TOM1L2: variants seen among roughly 807,000 people sequenced by gnomAD.
TOM1L2 encodes the protein target of myb1 like 2 membrane trafficking protein, also known as TOM1-like protein 2.
Under a neutral mutation model 67.9 loss-of-function variants are expected in TOM1L2, and 31 were observed. The observed-to-expected ratio is 0.46, with a 90% confidence interval of 0.34 to 0.62. The LOEUF is 0.62. Among genes scored for constraint, TOM1L2 ranks in the 20% least tolerant of loss-of-function variants. TOM1L2 has a pLI of 0.01. For missense variants in TOM1L2, 606 were observed against 663.5 expected (o/e 0.91, Z 0.95); for synonymous variants, 256 against 254.0 (o/e 1.01, Z -0.07).
rs574247504 is a variant in TOM1L2 at position 17,862,734 on chromosome 17, T to A, written c.1199A>T (p.Lys400Met). 6.2e-7 allele frequency: 1 copy of A among 1,613,110 alleles called. No homozygotes were observed. The highest frequency in any genetic ancestry group is 1.3e-5 in the African/African-American group (1 of 75,044). The change falls in exon 11 of 15, where the codon AAG (lysine) becomes ATG (methionine). Residue 400 changes from lysine to methionine, a missense_variant. Around this residue, in one of 2 missense-constraint regions of TOM1L2, gnomAD observed 543 missense variants for 554.0 expected, o/e 0.98. Coordinates refer to ENST00000379504, the MANE Select transcript of TOM1L2 (RefSeq NM_001082968.2). ...TRGNSLAEQR[K>M]TVTYEDPQAV... ...CACTAAAAGGGGCCCCACATACGTC[T>A]TGCGCTGCTCAGCCAAGGAGTTTCC...
At chr17:17,909,666 T>C (rs947885989) in intron 1 of TOM1L2, among the ~76,000 whole-genome samples, 1 of 152,174 alleles carries the variant, frequency 6.6e-6, no homozygotes. Flanking sequence ...ATGAAAGAGT[T>C]CTGGAGATGG....
At chr17:17,946,351 T>C (rs888607456) in intron 1 of TOM1L2, among the ~76,000 whole-genome samples, 1 of 152,174 alleles carries the variant, frequency 6.6e-6, no homozygotes, top group Non-Finnish European at 1.5e-5. Context: ...ATCCTGTACC[T>C]GTTAGCAGTC....
intron 7 of TOM1L2, among the ~76,000 whole-genome samples, chr17:17,875,790 C>A (rs769160652): frequency 6.6e-6 from 1 of 152,160 alleles, no homozygotes; most frequent in Admixed American, 6.5e-5. Context: ...TGAAGGAACA[C>A]GGAATAAGGT....
intron 1 of TOM1L2, among the ~76,000 whole-genome samples, chr17:17,960,499 G>A (rs1406589303): frequency 2.0e-5 from 3 of 152,132 alleles, no homozygotes; most frequent in African/African-American, 7.2e-5. Flanking sequence ...ACCATGCCCA[G>A]CTAATTTTTG....
chr17:17,962,313 G>T (rs1428839738), intron 1 of TOM1L2, among the ~76,000 whole-genome samples: 2 of 136,916 alleles, frequency 1.5e-5, no homozygotes, highest in Non-Finnish European at 3.1e-5. Context: ...GGCCAGTGGT[G>T]ATTGTTGCAT....
chr17:17,898,214 G>A (rs996700373), intron 3 of TOM1L2, among the ~76,000 whole-genome samples: 3 of 151,988 alleles, frequency 2.0e-5, no homozygotes, highest in Non-Finnish European at 4.4e-5. Flanking sequence ...GTGAGTCACC[G>A]CGCCTGGCCA....
At chr17:17,915,954 C>T (rs1304160175) in intron 1 of TOM1L2, among the ~76,000 whole-genome samples, 2 of 151,190 alleles carry the variant, frequency 1.3e-5, no homozygotes, top group Non-Finnish European at 1.5e-5. Context: ...TCTTTTAATG[C>T]ACAAAAGTTT....
chr17:17,909,126 A>G (rs981780673), intron 1 of TOM1L2, among the ~76,000 whole-genome samples: 1 of 152,234 alleles, frequency 6.6e-6, no homozygotes, highest in African/African-American at 2.4e-5. Flanking sequence ...GCTTGCAGTG[A>G]GCCAAGTTCA....
At chr17:17,852,703 T>G (rs950852982) in intron 12 of TOM1L2, among the ~76,000 whole-genome samples, 19 of 151,928 alleles carry the variant, frequency 1.3e-4, no homozygotes, top group African/African-American at 4.1e-4. Context: ...CAGTCTCTAC[T>G]AAAAATACAA....
At chr17:17,933,716 C>T (rs1391079487) in intron 1 of TOM1L2, among the ~76,000 whole-genome samples, 1 of 152,198 alleles carries the variant, frequency 6.6e-6, no homozygotes, top group Non-Finnish European at 1.5e-5. Context: ...TACTCTCATC[C>T]TCTTTCCTTC....
chr17:17,910,140 G>A (rs1227769130), intron 1 of TOM1L2, among the ~76,000 whole-genome samples: 3 of 152,226 alleles, frequency 2.0e-5, no homozygotes, highest in African/African-American at 4.8e-5. Flanking sequence ...GGACTGCTGG[G>A]TCAGGGAGTA....
At chr17:17,908,538 T>C (rs2039196128) in intron 1 of TOM1L2, among the ~76,000 whole-genome samples, 1 of 152,172 alleles carries the variant, frequency 6.6e-6, no homozygotes, top group African/African-American at 2.4e-5. Context: ...ATTATATATA[T>C]GATAAGGGGT....
intron 10 of TOM1L2, 36 bp from the exon 11 acceptor site, chr17:17,862,884 C>A: frequency 7.4e-7 from 1 of 1,343,872 alleles, no homozygotes; most frequent in Non-Finnish European, 1.0e-6. Context: ...CAGATGAGAA[C>A]AAAATGTAGA....
intron 4 of TOM1L2, among the ~76,000 whole-genome samples, chr17:17,892,812 G>A (rs2038360048): frequency 6.6e-6 from 1 of 152,098 alleles, no homozygotes; most frequent in Admixed American, 6.6e-5. Flanking sequence ...GACTTCCAAG[G>A]CTAGGTCATC....
At chr17:17,882,254 G>A (rs775176915) in intron 6 of TOM1L2, among the ~76,000 whole-genome samples, 11 of 152,310 alleles carry the variant, frequency 7.2e-5, no homozygotes, top group Admixed American at 1.3e-4. Flanking sequence ...TCAGCTGCAC[G>A]TCTATGCTTT....
intron 11 of TOM1L2, chr17:17,861,764 G>C: frequency 1.9e-6 from 1 of 520,364 alleles, no homozygotes; most frequent in Non-Finnish European, 3.4e-6. Flanking sequence ...CCTAGCTCAG[G>C]CTGAGCCACT....
chr17:17,948,905 G>A (rs561479070), intron 1 of TOM1L2, among the ~76,000 whole-genome samples: 1 of 152,262 alleles, frequency 6.6e-6, no homozygotes, highest in East Asian at 1.9e-4. Flanking sequence ...TGTGAGGGGT[G>A]GGGGGAAAGA....
At chr17:17,893,628 G>A (rs1598282068) in intron 4 of TOM1L2, 33 bp downstream of exon 4, 1 of 1,603,322 alleles carries the variant, frequency 6.2e-7, no homozygotes, top group Middle Eastern at 1.7e-4. Context: ...ATCTTACTCT[G>A]TTCCAACAAA....
chr17:17,902,217 T>C (rs2038890170), intron 2 of TOM1L2, among the ~76,000 whole-genome samples: 2 of 152,134 alleles, frequency 1.3e-5, no homozygotes, highest in Admixed American at 6.5e-5. Context: ...AGGTAGGTTA[T>C]TCAGTCAGCC....
Sources: gnomAD v4.1 joint callset for allele counts (sites outside exome capture counted in the v4.1 genomes callset) on GRCh38, gnomAD v4.1.1 for gene constraint, gnomAD v4.1.1 regional missense constraint, MANE v1.5 for transcripts, NCBI Gene and HGNC (gene_info 2026-07-23, HGNC 2026-07-21) for gene names.